Variants in NAV2 observed in about 807,000 individuals in gnomAD.
The protein encoded by NAV2 is helicase, APC down-regulated 1.
In NAV2, 54 loss-of-function variants were observed where a neutral mutation model predicts 223.2. That is an observed-to-expected ratio of 0.24 (90% confidence interval 0.19 to 0.30). The LOEUF is 0.30. Among genes scored for constraint, NAV2 ranks in the 10% least tolerant of loss-of-function variants. The probability of loss-of-function intolerance (pLI) is 1.00; values close to 1 mark genes in which losing one functional copy is unlikely to be tolerated. For synonymous variants in NAV2, 1,279 were observed against 1,239.3 expected (o/e 1.03, Z -0.67); for missense variants, 2,806 against 3,147.5 (o/e 0.89, Z 2.60).
chr11:19,840,758 G>GA (rs1484730923), intron 2 of NAV2, among the ~76,000 whole-genome samples: 1 of 152,128 alleles, frequency 6.6e-6, no homozygotes, highest in Non-Finnish European at 1.5e-5. Context: ...AGCTATTCTT[G>GA]ATTCATCTCA....
At chr11:19,495,334 C>G (rs1257846742) in intron 1 of NAV2, among the ~76,000 whole-genome samples, 3 of 152,182 alleles carry the variant, frequency 2.0e-5, no homozygotes, top group African/African-American at 4.8e-5. Context: ...TGCACAGACT[C>G]TAAAGGGAGT....
At chr11:20,088,479 A>G (rs756537667) in intron 26 of NAV2, among the ~76,000 whole-genome samples, 2 of 152,180 alleles carry the variant, frequency 1.3e-5, no homozygotes, top group African/African-American at 2.4e-5. Context: ...CGGGCCAAGA[A>G]TGTGTTTTCA....
chr11:19,489,875 A>AATT (rs2042567091), intron 1 of NAV2, among the ~76,000 whole-genome samples: 2 of 152,234 alleles, frequency 1.3e-5, no homozygotes, highest in East Asian at 3.9e-4. Flanking sequence ...TCTTTATTCC[A>AATT]CAGTCCCAGA....
intron 22 of NAV2, among the ~76,000 whole-genome samples, chr11:20,072,718 A>G (rs1433493088): frequency 6.6e-6 from 1 of 152,114 alleles, no homozygotes; most frequent in African/African-American, 2.4e-5. Context: ...GAGTTCACTC[A>G]TGATTTGGTT....
At chr11:19,751,443 G>A (rs2053810187) in intron 1 of NAV2, among the ~76,000 whole-genome samples, 1 of 152,162 alleles carries the variant, frequency 6.6e-6, no homozygotes, top group Admixed American at 6.5e-5. Context: ...TACCCCGCCA[G>A]CTAGAGAAGG....
intron 1 of NAV2, among the ~76,000 whole-genome samples, chr11:19,447,371 G>A (rs1768645611): frequency 1.3e-5 from 2 of 152,166 alleles, no homozygotes; most frequent in Non-Finnish European, 2.9e-5. Flanking sequence ...CATCTGAACC[G>A]GTTGTGTGGG....
At chr11:19,587,898 A>G (rs762995068) in intron 1 of NAV2, among the ~76,000 whole-genome samples, 2 of 152,226 alleles carry the variant, frequency 1.3e-5, no homozygotes, top group Non-Finnish European at 2.9e-5. Context: ...CCACCCAATG[A>G]TTCAGGAATC....
chr11:19,541,326 C>A (rs892968079), intron 1 of NAV2, among the ~76,000 whole-genome samples: 4 of 152,212 alleles, frequency 2.6e-5, no homozygotes, highest in Admixed American at 6.5e-5. Context: ...TTTCCCATGG[C>A]AGGGAGAAGA....
At chr11:19,964,804 T>C (rs933815984) in intron 10 of NAV2, among the ~76,000 whole-genome samples, 1 of 142,372 alleles carries the variant, frequency 7.0e-6, no homozygotes, top group African/African-American at 2.6e-5. Flanking sequence ...GCTGGCCTCA[T>C]TCTACTTTTT....
At chr11:19,586,064 A>T (rs1005010697) in intron 1 of NAV2, among the ~76,000 whole-genome samples, 11 of 152,106 alleles carry the variant, frequency 7.2e-5, no homozygotes, top group African/African-American at 2.7e-4. Flanking sequence ...TATTTGTTGG[A>T]GGCTTTATTC....
In NAV2 at chr11:20,049,860, C is replaced by A. The variant is rs576567835; in HGVS notation, c.4395C>A (p.Ser1465Arg). 14 of 1,614,044 alleles carry A rather than the reference C, an allele frequency of 8.7e-6. No homozygotes were observed. The highest frequency in any genetic ancestry group is 1.2e-5 in the Non-Finnish European group (14 of 1,180,024). ...SESPLSSPAA[S>R]PKFCRSTLPR... ...GCCCTCTCTCTTCCCCTGCTGCTAG[C>A]CCTAAGTTCTGCAGAAGTACTCTGC... The change falls in exon 16 of 38, where the codon AGC becomes AGA. Residue 1465 changes from serine (S) to arginine (R), a missense_variant. Around this residue, in one of 4 missense-constraint regions of NAV2, gnomAD observed 742 missense variants for 777.9 expected, o/e 0.95. Transcript: ENST00000349880.
chr11:19,764,782 G>T lies in NAV2; in HGVS notation c.267+50820G>T, dbSNP rs562982773. Among the ~76,000 whole-genome samples the T allele has an allele frequency of 1.8e-4, 28 of 152,142 alleles. No individual in the cohort carries two copies. The South Asian group carries it at 5.6e-3, about 30-fold the overall frequency. On this transcript the variant is annotated intron_variant, in intron 1 of 37. Coordinates refer to ENST00000349880, the MANE Select transcript of NAV2 (RefSeq NM_145117.5). ...TCTCAAACTGGTCATGCCCAAACTG[G>T]AACTCTTGGTTTCTCAAGTTCATCT...
At chr11:19,453,511 GT>G (rs1376564011) in intron 1 of NAV2, among the ~76,000 whole-genome samples, 1 of 152,202 alleles carries the variant, frequency 6.6e-6, no homozygotes, top group East Asian at 1.9e-4. Flanking sequence ...TATGCTAACA[GT>G]TTTTGGAATG....
intron 1 of NAV2, among the ~76,000 whole-genome samples, chr11:19,686,085 T>A (rs907189876): frequency 6.6e-6 from 1 of 152,162 alleles, no homozygotes; most frequent in African/African-American, 2.4e-5. Flanking sequence ...CAGGTCCCCA[T>A]GTTCATGTCC....
intron 1 of NAV2, among the ~76,000 whole-genome samples, chr11:19,362,761 G>A (rs984452565): frequency 2.0e-5 from 3 of 152,042 alleles, no homozygotes; most frequent in African/African-American, 7.3e-5. Context: ...CTATAACATA[G>A]GGTAATAATA....
chr11:20,068,067 A>G, intron 20 of NAV2, 119 bp from the exon 21 acceptor site: 1 of 944,766 alleles, frequency 1.1e-6, no homozygotes, highest in Non-Finnish European at 1.7e-6. Context: ...TACACCAGAA[A>G]AGAAACTAAT....
intron 1 of NAV2, among the ~76,000 whole-genome samples, chr11:19,441,429 GACACACACAC>G (rs756829104): frequency 7.1e-6 from 1 of 141,314 alleles, no homozygotes; most frequent in Non-Finnish European, 1.5e-5. Context: ...AGGACACTGG[GACACACACAC>G]ACACACACGC....
chr11:19,946,385 AC>A lies in NAV2; in HGVS notation c.2147-13del. On this transcript the variant is annotated splice_polypyrimidine_tract_variant and intron_variant, in intron 8 of 37. Coordinates refer to ENST00000349880, the MANE Select transcript of NAV2 (RefSeq NM_145117.5). ...TGGTCAGAGAATTAAACTAGTCTTA[AC>A]CCTCATCTTTCTAGGGGAAGATCCT... 2 of 1,608,386 alleles carry A rather than the reference AC, an allele frequency of 1.2e-6. No individual in the cohort carries two copies. The highest frequency in any genetic ancestry group is 1.7e-6 in the Non-Finnish European group (2 of 1,177,508).
chr11:19,887,511 C>A (rs1318120810), intron 5 of NAV2, among the ~76,000 whole-genome samples: 1 of 152,076 alleles, frequency 6.6e-6, no homozygotes, highest in East Asian at 1.9e-4. Flanking sequence ...ATGGGGTAGT[C>A]TTGCCTTGCT....
Sources: gnomAD v4.1 joint callset for allele counts (sites outside exome capture counted in the v4.1 genomes callset) on GRCh38, gnomAD v4.1.1 for gene constraint, gnomAD v4.1.1 regional missense constraint, MANE v1.5 for transcripts, NCBI Gene and HGNC (gene_info 2026-07-23, HGNC 2026-07-21) for gene names.